SKAP1: variants seen among roughly 807,000 people sequenced by gnomAD.
SKAP1 encodes src kinase associated phosphoprotein 1.
In SKAP1, 44 loss-of-function variants were observed where a neutral mutation model predicts 58.5. That is an observed-to-expected ratio of 0.75 (90% CI 0.59 to 0.97). The LOEUF is 0.97. Ranked by LOEUF, SKAP1 falls within the 50% of genes least tolerant of loss-of-function variation. The pLI is 0.00. For synonymous variants in SKAP1, 127 were observed against 149.7 expected, an observed-to-expected ratio of 0.85 and a Z score of 1.11; for missense variants, 390 against 435.2, an observed-to-expected ratio of 0.90 and a Z score of 0.92.
At chr17:48,341,525 C>A (rs559749596) in intron 4 of SKAP1, among the ~76,000 whole-genome samples, 2 of 152,148 alleles carry the variant, frequency 1.3e-5, no homozygotes, top group African/African-American at 2.4e-5. Flanking sequence ...AAAAAGGGTT[C>A]TTTTTATTTC....
chr17:48,186,557 C>T (rs1050393208), intron 6 of SKAP1, among the ~76,000 whole-genome samples: 3 of 152,028 alleles, frequency 2.0e-5, no homozygotes, highest in Non-Finnish European at 2.9e-5. Flanking sequence ...GTGATCTCGG[C>T]TCACCACAAC....
In SKAP1 at chr17:48,355,880, T is replaced by C. The variant is rs184542719; in HGVS notation, c.178+7909A>G. The stretch of plus-strand genomic sequence containing the variant: ...TAAGTAAACTCAACACACCTATATA[T>C]ACCAACGTTCTCAAACATTAAACAA... On this transcript the variant is annotated intron_variant, in intron 3 of 12. Coordinates refer to ENST00000336915, the MANE Select transcript of SKAP1 (RefSeq NM_003726.4). Among the ~76,000 whole-genome samples the C allele has an allele frequency of 7.3e-5, 11 of 151,680 alleles. No individual in the cohort carries two copies. The East Asian group carries it at 1.8e-3, about 24-fold the overall frequency.
chr17:48,338,253 G>A (rs1211911447), intron 4 of SKAP1, among the ~76,000 whole-genome samples: 2 of 151,732 alleles, frequency 1.3e-5, no homozygotes, highest in Middle Eastern at 3.4e-3. Context: ...AGGTTCAAGC[G>A]ATTTTCCTGC....
intron 1 of SKAP1, among the ~76,000 whole-genome samples, chr17:48,406,494 C>G (rs12450786): frequency 0.33 from 49,813 of 149,990 alleles, 8,938 homozygotes; most frequent in African/African-American, 0.47. Flanking sequence ...GCCTCAACCT[C>G]CCGGGCTCAA....
rs73327704 is a variant in SKAP1 at position 48,385,579 on chromosome 17, C to T, written c.152+11101G>A. ...CTGAACTCAAAAGATGAAAAAAGGA[C>T]AGGGTACTGTAAAGCCACAAAGACA... On this transcript the variant is annotated intron_variant, in intron 2 of 12. Transcript: ENST00000336915. 1.8e-3 allele frequency among the ~76,000 whole-genome samples: 271 copies of T among 152,106 alleles called. 1 individual carries two copies. Among genetic ancestry groups the T allele is most frequent in the African/African-American group, 5.7e-3 (237 of 41,486 alleles).
At chr17:48,200,390 T>C (rs1262350596) in intron 4 of SKAP1, among the ~76,000 whole-genome samples, 2 of 151,824 alleles carry the variant, frequency 1.3e-5, no homozygotes, top group Admixed American at 1.3e-4. Context: ...TTCTTTTTTT[T>C]TTTGAGTTGG....
chr17:48,243,358 C>T (rs2065261604), intron 4 of SKAP1, among the ~76,000 whole-genome samples: 2 of 152,148 alleles, frequency 1.3e-5, no homozygotes, highest in Admixed American at 1.3e-4. Context: ...AAAACTTCTT[C>T]CCTTTGTTCT....
chr17:48,442,385 T>A, the SKAP1 span, among the ~76,000 whole-genome samples: 86 of 152,340 alleles, frequency 5.6e-4, 5 homozygotes, highest in South Asian at 0.017. Context: ...TGCCTATGTA[T>A]GCCTGAATCA....
At chr17:48,138,102 G>T (rs1434388155) in intron 11 of SKAP1, among the ~76,000 whole-genome samples, 3 of 152,172 alleles carry the variant, frequency 2.0e-5, no homozygotes, top group Admixed American at 2.0e-4. Context: ...AGGATGAGAG[G>T]GTTTTAAAGA....
At chr17:48,312,325 T>C (rs2066233440) in intron 4 of SKAP1, among the ~76,000 whole-genome samples, 2 of 152,234 alleles carry the variant, frequency 1.3e-5, no homozygotes. Flanking sequence ...CTTGATTTGT[T>C]TTAAGTAATT....
the SKAP1 span, among the ~76,000 whole-genome samples, chr17:48,441,970 T>C: frequency 6.6e-6 from 1 of 152,130 alleles, no homozygotes; most frequent in African/African-American, 2.4e-5. Flanking sequence ...TTAACGCATA[T>C]CTTGTAAGTA....
intron 6 of SKAP1, 119 bp from the exon 7 acceptor site, chr17:48,184,966 A>T (rs2064427211): frequency 2.1e-6 from 2 of 943,700 alleles, no homozygotes. Flanking sequence ...AGGAACCACA[A>T]TAGTCAAGGA....
chr17:48,158,726 C>A (rs1334077862), intron 11 of SKAP1, among the ~76,000 whole-genome samples: 1 of 151,624 alleles, frequency 6.6e-6, no homozygotes, highest in Non-Finnish European at 1.5e-5. Context: ...TTTGGGAGGC[C>A]GAGGCGGGCG....
intron 1 of SKAP1, among the ~76,000 whole-genome samples, chr17:48,411,773 G>A (rs2067669013): frequency 1.3e-5 from 2 of 152,088 alleles, no homozygotes; most frequent in South Asian, 2.1e-4. Flanking sequence ...AAAAAGACCA[G>A]ACAAATTTTA....
intron 2 of SKAP1, among the ~76,000 whole-genome samples, chr17:48,368,683 C>A (rs1018498682): frequency 1.3e-5 from 2 of 152,084 alleles, no homozygotes; most frequent in Non-Finnish European, 2.9e-5. Context: ...GAGTACAGAA[C>A]GAGCAGAGAG....
rs538641697 is a variant in SKAP1, at chr17:48,323,476, A to G, written c.280+22429T>C. On this transcript the variant is annotated intron_variant, in intron 4 of 12. Transcript: ENST00000336915. Reference sequence around the variant, plus strand: ...AGTTATCCTTGAAAATGTTAGTTAAATGGGCTGCCCTGGGCAAACAGGGCA... The same window carrying G: ...AGTTATCCTTGAAAATGTTAGTTAAGTGGGCTGCCCTGGGCAAACAGGGCA... 3.4e-4 allele frequency among the ~76,000 whole-genome samples: 51 copies of G among 152,108 alleles called. 2 individuals are homozygous for G. Among genetic ancestry groups the G allele is most frequent in the Non-Finnish European group, 7.2e-4 (49 of 67,992 alleles).
intron 4 of SKAP1, among the ~76,000 whole-genome samples, chr17:48,336,273 C>G (rs1331867560): frequency 6.6e-6 from 1 of 152,096 alleles, no homozygotes; most frequent in Non-Finnish European, 1.5e-5. Context: ...CTAATAAACA[C>G]TTAGGCATCT....
At chr17:48,334,220 C>CA (rs780826356) in intron 4 of SKAP1, among the ~76,000 whole-genome samples, 38 of 151,710 alleles carry the variant, frequency 2.5e-4, no homozygotes, top group East Asian at 1.4e-3. Flanking sequence ...CTTTAATATT[C>CA]AAAAAAATTA....
intron 1 of SKAP1, among the ~76,000 whole-genome samples, chr17:48,414,900 C>T (rs1259066094): frequency 6.6e-6 from 1 of 152,216 alleles, no homozygotes; most frequent in Non-Finnish European, 1.5e-5. Context: ...ATTCACAAAG[C>T]TGCTCTTCTG....
Sources: allele counts gnomAD v4.1 joint callset (sites outside exome capture counted in the v4.1 genomes callset), GRCh38; gene constraint gnomAD v4.1.1; transcripts MANE v1.5; gene names NCBI Gene and HGNC (gene_info 2026-07-23, HGNC 2026-07-21).